Variants in NUBPL observed in about 807,000 individuals in gnomAD.
The protein encoded by NUBPL is iron-sulfur cluster transfer protein NUBPL.
Under a neutral mutation model 45.7 loss-of-function variants are expected in NUBPL, and 31 were observed. The observed-to-expected ratio is 0.68, with a 90% CI of 0.51 to 0.92. NUBPL has a LOEUF of 0.92. Among genes scored for constraint, NUBPL ranks in the 40% least tolerant of loss-of-function variants. NUBPL has a pLI of 0.00. For missense variants in NUBPL, 401 were observed against 398.7 expected, an observed-to-expected ratio of 1.01 and a Z score of -0.05; for synonymous variants, 144 against 140.9, an observed-to-expected ratio of 1.02 and a Z score of -0.15.
At chr14:31,791,110 G>T (rs201022421) in intron 7 of NUBPL, among the ~76,000 whole-genome samples, 1 of 151,346 alleles carries the variant, frequency 6.6e-6, no homozygotes, top group African/African-American at 2.4e-5. Context: ...CTGTACAAAA[G>T]AATATTAAAC....
chr14:31,657,087 A>G (rs1452547816), intron 4 of NUBPL, among the ~76,000 whole-genome samples: 1 of 152,196 alleles, frequency 6.6e-6, no homozygotes, highest in Admixed American at 6.5e-5. Flanking sequence ...TTGCCTAAAT[A>G]TTAAATGGCA....
chr14:31,792,668 A>G (rs1040959420), intron 7 of NUBPL, among the ~76,000 whole-genome samples: 7 of 152,192 alleles, frequency 4.6e-5, no homozygotes, highest in African/African-American at 1.7e-4. Flanking sequence ...ATTATAAAAA[A>G]TAGCAGCAAG....
intron 6 of NUBPL, among the ~76,000 whole-genome samples, chr14:31,750,243 CGG>C (rs968219246): frequency 7.6e-4 from 114 of 150,412 alleles, no homozygotes; most frequent in Admixed American, 2.8e-3. Flanking sequence ...GGCGCAGCCT[CGG>C]CTCACTGCAA....
At chr14:31,622,010 A>T (rs1790016614) in intron 4 of NUBPL, among the ~76,000 whole-genome samples, 1 of 152,192 alleles carries the variant, frequency 6.6e-6, no homozygotes. Context: ...CAAGATGCTG[A>T]TAGTGATATG....
chr14:31,812,963 C>A (rs188355029), intron 7 of NUBPL, among the ~76,000 whole-genome samples: 124 of 148,406 alleles, frequency 8.4e-4, no homozygotes, highest in African/African-American at 2.9e-3. Context: ...TGAACTCATT[C>A]TGGATAGCTC....
intron 6 of NUBPL, among the ~76,000 whole-genome samples, chr14:31,747,603 T>C (rs1040157756): frequency 2.0e-5 from 3 of 152,212 alleles, no homozygotes; most frequent in African/African-American, 7.2e-5. Context: ...TTGGCATATA[T>C]TTGCTTATAG....
intron 8 of NUBPL, among the ~76,000 whole-genome samples, chr14:31,833,062 C>A (rs1007631874): frequency 5.3e-5 from 8 of 151,906 alleles, no homozygotes; most frequent in African/African-American, 1.9e-4. Flanking sequence ...TAACTAATCC[C>A]TTTAGTTGGT....
chr14:31,630,636 T>G (rs2035316763), intron 4 of NUBPL, among the ~76,000 whole-genome samples: 1 of 152,196 alleles, frequency 6.6e-6, no homozygotes. Context: ...TTAAGTTACC[T>G]GGAATCAGTT....
At position 31,562,060 on chromosome 14, in the gene NUBPL, T is replaced by A. The variant is rs1191146382; in HGVS notation, c.109-8T>A. 2 of 1,564,108 alleles carry A rather than the reference T, an allele frequency of 1.3e-6. No individual in the cohort carries two copies. Among genetic ancestry groups the A allele is most frequent in the African/African-American group, 1.4e-5 (1 of 73,238 alleles). On this transcript the variant is annotated splice_polypyrimidine_tract_variant and splice_region_variant and intron_variant, in intron 1 of 10. Coordinates refer to ENST00000281081, the MANE Select transcript of NUBPL (RefSeq NM_025152.3). ...AAAACGGCTTTTTATTATTATTATT[T>A]TTTAAAGTTGTCTGGCGCCGGGAGT...
intron 4 of NUBPL, among the ~76,000 whole-genome samples, chr14:31,668,563 C>T (rs964975643): frequency 1.3e-5 from 2 of 152,126 alleles, no homozygotes; most frequent in East Asian, 1.9e-4. Context: ...GGGGAGTGAA[C>T]GGTTCTGTCA....
intron 4 of NUBPL, among the ~76,000 whole-genome samples, chr14:31,666,927 A>T (rs1171036567): frequency 2.6e-5 from 4 of 152,144 alleles, no homozygotes; most frequent in Admixed American, 2.6e-4. Context: ...ATCTACTGTT[A>T]GTCTGATGGG....
At position 31,708,407 on chromosome 14, in the gene NUBPL, C is replaced by T. The variant is rs115458258; in HGVS notation, c.513+34833C>T. On this transcript the variant is annotated intron_variant, in intron 6 of 10. Coordinates refer to ENST00000281081, the MANE Select transcript of NUBPL (RefSeq NM_025152.3). ...ATGCCCAGACTTCAGGGTTTATTCCCTCTTCAGGTAGGGGACAACAAATGG... is the reference window on the plus strand; with the variant it reads ...ATGCCCAGACTTCAGGGTTTATTCCTTCTTCAGGTAGGGGACAACAAATGG... 4.6e-3 allele frequency among the ~76,000 whole-genome samples: 696 copies of T among 152,234 alleles called. 6 individuals carry two copies. The highest frequency in any genetic ancestry group is 0.016 in the African/African-American group (669 of 41,534).
At chr14:31,647,551 A>T (rs959555165) in intron 4 of NUBPL, among the ~76,000 whole-genome samples, 2 of 152,214 alleles carry the variant, frequency 1.3e-5, no homozygotes, top group Admixed American at 1.3e-4. Context: ...GGGTTTGTGC[A>T]CAGGGGACCT....
chr14:31,775,712 C>T (rs1214906443), intron 6 of NUBPL, among the ~76,000 whole-genome samples: 1 of 152,168 alleles, frequency 6.6e-6, no homozygotes, highest in Non-Finnish European at 1.5e-5. Flanking sequence ...GCATTACTGC[C>T]TCTCTATCCA....
chr14:31,708,796 CT>C (rs1282332423), intron 6 of NUBPL, among the ~76,000 whole-genome samples: 1 of 152,216 alleles, frequency 6.6e-6, no homozygotes, highest in African/African-American at 2.4e-5. Flanking sequence ...GTTGGATCAT[CT>C]GGTTGGGGGC....
chr14:31,575,127 C>T (rs2034070), intron 3 of NUBPL, among the ~76,000 whole-genome samples: 17,458 of 151,792 alleles, frequency 0.12, 2,684 homozygotes, highest in African/African-American at 0.36. Context: ...TTTTTTTCCC[C>T]GCAAATTATT....
chr14:31,763,748 T>C (rs1367864887), intron 6 of NUBPL, among the ~76,000 whole-genome samples: 1 of 152,190 alleles, frequency 6.6e-6, no homozygotes, highest in South Asian at 2.1e-4. Context: ...AATACAAGAA[T>C]CTAACATTAA....
chr14:31,753,615 A>G (rs941115250), intron 6 of NUBPL, among the ~76,000 whole-genome samples: 1 of 152,148 alleles, frequency 6.6e-6, no homozygotes, highest in African/African-American at 2.4e-5. Flanking sequence ...AAGTGGCACT[A>G]TTCCCAAAAA....
At chr14:31,684,179 G>C (rs1038556931) in intron 6 of NUBPL, among the ~76,000 whole-genome samples, 1 of 152,132 alleles carries the variant, frequency 6.6e-6, no homozygotes, top group East Asian at 1.9e-4. Flanking sequence ...CTGAGCTTTT[G>C]TTTTCTCATC....
Sources: allele counts gnomAD v4.1 joint callset (sites outside exome capture counted in the v4.1 genomes callset), GRCh38; gene constraint gnomAD v4.1.1; transcripts MANE v1.5; gene names NCBI Gene and HGNC (gene_info 2026-07-23, HGNC 2026-07-21).